TMEM94: variants seen among roughly 807,000 people sequenced by gnomAD.
TMEM94 encodes the protein ER Mg2+ ATPase.
In TMEM94, 81 loss-of-function variants were observed where a neutral mutation model predicts 158.6. That is an observed-to-expected ratio of 0.51 (90% CI 0.43 to 0.61). The LOEUF (loss-of-function observed/expected upper bound fraction) is 0.61. TMEM94 is among the 20% of genes least tolerant of loss of function. TMEM94 has a pLI of 0.00. For synonymous variants in TMEM94, 751 were observed against 730.7 expected, an observed-to-expected ratio of 1.03 and a Z score of -0.45; for missense variants, 1,435 against 1,762.0, an observed-to-expected ratio of 0.81 and a Z score of 3.32.
At chr17:75,475,444 A>G (rs2050647359) in intron 2 of TMEM94, among the ~76,000 whole-genome samples, 1 of 152,126 alleles carries the variant, frequency 6.6e-6, no homozygotes, top group African/African-American at 2.4e-5. Flanking sequence ...CAGCTCTGGG[A>G]CCTGTTAGGC....
chr17:75,487,848 A>G lies in TMEM94; in HGVS notation c.410-84A>G, dbSNP rs530552878. On this transcript the variant is annotated intron_variant, in intron 5 of 31. Transcript: ENST00000314256. This position sits in a 1 kb window ranked among gnomAD's most constrained non-coding sequence, Gnocchi z 4.6. The stretch of plus-strand genomic sequence containing the variant: ...CTCCTGGGAGAGGAAGTGGGCAGAC[A>G]GTGCTTCCGGAAGTGCTGCTGTATC... The G allele has an allele frequency of 5.6e-5, 63 of 1,121,880 alleles. No individual in the cohort carries two copies. The African/African-American group carries it at 8.9e-4, about 16-fold the overall frequency. The allele number at this position is 1,121,880 out of a possible 1,614,324, so 69.5% of individuals were successfully genotyped here.
chr17:75,494,010 C>A (rs56063329), intron 18 of TMEM94, 94 bp downstream of exon 18: 57,138 of 1,218,048 alleles, frequency 0.047, 1,541 homozygotes, highest in Non-Finnish European at 0.055. Context: ...GGCCCCGGCA[C>A]CCCCCACAGC....
chr17:75,498,493 C>A lies in TMEM94; in HGVS notation c.3688C>A (p.Leu1230Met). 1 of 1,593,910 alleles carries A rather than the reference C, an allele frequency of 6.3e-7. No individual in the cohort carries two copies. The highest frequency in any genetic ancestry group is 1.7e-5 in the Admixed American group (1 of 58,466). The change falls in exon 29 of 32, where the codon CTG (leucine) becomes ATG (methionine). Residue 1230 changes from leucine (L) to methionine (M), a missense_variant. Around this residue, in one of 3 missense-constraint regions of TMEM94, gnomAD observed 335 missense variants for 409.1 expected, o/e 0.82. Coordinates refer to ENST00000314256, the MANE Select transcript of TMEM94 (RefSeq NM_014738.6). The surrounding 1 kb of genome is among the most constrained non-coding windows in gnomAD (Gnocchi z 6.7). Reference protein sequence around the residue: ...AWFEDFANGLLSAQKLTAALI... With the variant: ...AWFEDFANGLMSAQKLTAALI... ...GTTTGAGGACTTTGCCAATGGACTG[C>A]TGTCGGCTCAGAAGCTCACGGCCGC...
chr17:75,484,788 G>A (rs2051451230), intron 2 of TMEM94, among the ~76,000 whole-genome samples: 1 of 152,066 alleles, frequency 6.6e-6, no homozygotes, highest in Non-Finnish European at 1.5e-5. Flanking sequence ...AGTCATCCCA[G>A]CACTTTGGGA....
chr17:75,479,256 G>A (rs2050962827), intron 2 of TMEM94, among the ~76,000 whole-genome samples: 1 of 152,080 alleles, frequency 6.6e-6, no homozygotes, highest in South Asian at 2.1e-4. Flanking sequence ...GAACCCAGGA[G>A]TTCGAGACCA....
At chr17:75,471,753 C>A in intron 1 of TMEM94, 47 bp from the exon 2 acceptor site, 2 of 708,030 alleles carry the variant, frequency 2.8e-6, no homozygotes, top group African/African-American at 1.8e-5. Context: ...TTCACAGTAG[C>A]TGCCTGTTCC....
intron 2 of TMEM94, among the ~76,000 whole-genome samples, chr17:75,484,395 T>C (rs965287362): frequency 6.7e-6 from 1 of 148,308 alleles, no homozygotes; most frequent in Non-Finnish European, 1.5e-5. Flanking sequence ...TGCTAGCATC[T>C]CTTTTTTGTT....
At chr17:75,490,965 C>G (rs2052120859) in intron 11 of TMEM94, 84 bp from the exon 12 acceptor site, 1 of 1,177,784 alleles carries the variant, frequency 8.5e-7, no homozygotes, top group Admixed American at 2.1e-5. Context: ...TCGTGGTGCT[C>G]CCCTGGATTT....
Position 75,494,892 on chromosome 17 carries a change from A to G in TMEM94, c.2590-4A>G. ...GTATGTTCATGGCCGTCTGCCTTTC[A>G]CAGGTGTTTGCAGAAAAAATGGGCC... On this transcript the variant is annotated splice_polypyrimidine_tract_variant and splice_region_variant and intron_variant, in intron 19 of 31. Transcript: ENST00000314256. 6.2e-7 allele frequency: 1 copy of G among 1,613,390 alleles called. No individual in the cohort carries two copies. Among genetic ancestry groups the G allele is most frequent in the Non-Finnish European group, 8.5e-7 (1 of 1,179,974 alleles).
In TMEM94 at chr17:75,493,287, C is replaced by A. The variant is rs183611488; in HGVS notation, c.2086+185C>A. The A allele has an allele frequency of 1.1e-5, 9 of 838,796 alleles. No homozygotes were observed. The East Asian group carries it at 2.4e-4, about 22-fold the overall frequency. The allele number at this position is 838,796 out of a possible 1,614,324, so 52.0% of individuals were successfully genotyped here. A position where few individuals can be genotyped will look rare whatever the true frequency, so the allele number is the denominator to read the frequency against. ...CTGGGATGGTGTTGGCTGCAGAGGC[C>A]GGGATTGTCCAAAGGATGGGAATAT... On this transcript the variant is annotated intron_variant, in intron 16 of 31. Transcript: ENST00000314256.
intron 1 of TMEM94, among the ~76,000 whole-genome samples, chr17:75,463,032 AAAAAAATATATATATATAT>A (rs2050138008): frequency 1.7e-4 from 1 of 5,964 alleles, no homozygotes; most frequent in Non-Finnish European, 3.3e-4. Flanking sequence ...AAAAAAAAAA[AAAAAAATATATATATATAT>A]ATATATATAT....
rs1359465172 is a variant in TMEM94 at position 75,495,677 on chromosome 17, T to G, written c.2944+34T>G. ...TGTGGCCATGGGTACTTGGGCAACC[T>G]GGTCCCGTCGGCTGAGCTCTGCCTG... On this transcript the variant is annotated intron_variant, in intron 22 of 31. Transcript: ENST00000314256. This position sits in a 1 kb window ranked among gnomAD's most constrained non-coding sequence, Gnocchi z 5.6. 1.3e-6 allele frequency: 2 copies of G among 1,597,504 alleles called. No homozygotes were observed. The highest frequency in any genetic ancestry group is 2.7e-5 in the African/African-American group (2 of 74,702).
chr17:75,472,196 C>G (rs568205670), intron 2 of TMEM94, among the ~76,000 whole-genome samples: 1 of 152,346 alleles, frequency 6.6e-6, no homozygotes, highest in African/African-American at 2.4e-5. Flanking sequence ...CCAAGCCAGT[C>G]TTCCACTTCT....
chr17:75,491,079 C>A lies in TMEM94; in HGVS notation c.1159C>A (p.Leu387Met). Residue 387 changes from leucine (L) to methionine (M), a missense_variant, in exon 12 of 32, where the codon CTG (leucine) becomes ATG (methionine). Leu to Met is a conservative substitution (Grantham distance 15). Around this residue, in one of 3 missense-constraint regions of TMEM94, gnomAD observed 1,051 missense variants for 1,254.4 expected, o/e 0.84. Coordinates refer to ENST00000314256, the MANE Select transcript of TMEM94 (RefSeq NM_014738.6). The surrounding 1 kb of genome is among the most constrained non-coding windows in gnomAD (Gnocchi z 5.1). ...EMLRCIWGHF[L>M]RVLGGTSPTL... is the part of the protein sequence containing the mutation. ...GCTGCGCTGCATTTGGGGCCACTTC[C>A]TGAGGGTGCTCGGGGGGACATCGCC... 2 of 1,613,438 alleles carry A rather than the reference C, an allele frequency of 1.2e-6. No individual in the cohort carries two copies. The highest frequency in any genetic ancestry group is 2.7e-5 in the African/African-American group (2 of 75,030).
intron 26 of TMEM94, 50 bp downstream of exon 26, chr17:75,497,248 C>G: frequency 2.1e-6 from 3 of 1,446,560 alleles, no homozygotes; most frequent in Non-Finnish European, 2.9e-6. Context: ...CAGGAGGTGT[C>G]TGGATGTCAC....
At chr17:75,466,277 G>T (rs907348012) in intron 1 of TMEM94, among the ~76,000 whole-genome samples, 1 of 152,086 alleles carries the variant, frequency 6.6e-6, no homozygotes, top group African/African-American at 2.4e-5. Flanking sequence ...GGGTCAATAT[G>T]TGTGAATCTA....
chr17:75,479,225 T>A (rs1157364970), intron 2 of TMEM94, among the ~76,000 whole-genome samples: 1 of 152,016 alleles, frequency 6.6e-6, no homozygotes, highest in Non-Finnish European at 1.5e-5. Flanking sequence ...CCCAGCCCTA[T>A]GGGAGGCGGG....
chr17:75,468,287 A>C (rs1159455083), intron 1 of TMEM94, among the ~76,000 whole-genome samples: 1 of 152,216 alleles, frequency 6.6e-6, no homozygotes, highest in Non-Finnish European at 1.5e-5. Flanking sequence ...CTCTTAGAAA[A>C]ATGTCCTGTT....
rs868321610 is a variant in TMEM94, at chr17:75,467,525, T to C, written c.-106-4275T>C. On this transcript the variant is annotated intron_variant, in intron 1 of 31. Transcript: ENST00000314256. ...TATGCCATCCATTTCTTTTTCTTTT[T>C]TTTTTTTTTTTTTTTTTTGAGACGG... Among the ~76,000 whole-genome samples the C allele has an allele frequency of 9.4e-3, 1,292 of 137,346 alleles. 13 individuals carry two copies. Among genetic ancestry groups the C allele is most frequent in the Middle Eastern group, 0.025 (7 of 276 alleles). The allele number at this position is 137,346 out of a possible 152,430, so 90.1% of individuals were successfully genotyped here.
Sources: allele counts gnomAD v4.1 joint callset (sites outside exome capture counted in the v4.1 genomes callset), GRCh38; gene constraint gnomAD v4.1.1; regional missense constraint gnomAD v4.1.1; non-coding constraint Gnocchi (gnomAD v3.1); transcripts MANE v1.5; gene names NCBI Gene and HGNC (gene_info 2026-07-23, HGNC 2026-07-21).